MTA3: variants seen among roughly 807,000 people sequenced by gnomAD.
MTA3 encodes metastasis associated 1 family member 3.
MTA3 carries 34 observed loss-of-function variants against 83.5 expected under a neutral mutation model. The ratio of observed to expected loss-of-function variants is 0.41; its 90% CI spans 0.31 to 0.54. The LOEUF (loss-of-function observed/expected upper bound fraction) is 0.54. Among genes scored for constraint, MTA3 ranks in the 20% least tolerant of loss-of-function variants. The probability of loss-of-function intolerance (pLI) is 0.33; values close to 1 mark genes in which losing one functional copy is unlikely to be tolerated. For missense variants in MTA3, 761 were observed against 726.4 expected (o/e 1.05, Z -0.55); for synonymous variants, 303 against 252.7 (o/e 1.20, Z -1.89).
At position 42,659,062 on chromosome 2, in the gene MTA3, C is replaced by T. The variant is rs373411223; in HGVS notation, c.603-701C>T. On this transcript the variant is annotated intron_variant, in intron 7 of 16. Transcript: ENST00000405094. ...GCAGTGAGCTATGATCATACTATTG[C>T]GCTCCAGCCTGGGTGACAGAGTGAG... 2.4e-4 allele frequency among the ~76,000 whole-genome samples: 36 copies of T among 151,892 alleles called. 1 individual carries two copies. In the South Asian group the frequency reaches 6.9e-3, roughly 29 times the overall value.
chr2:42,646,614 A>C (rs148625583), intron 6 of MTA3, among the ~76,000 whole-genome samples: 264 of 152,326 alleles, frequency 1.7e-3, no homozygotes, highest in Admixed American at 4.3e-3. Flanking sequence ...TATAATATGC[A>C]AGAAAACTAC....
intron 9 of MTA3, among the ~76,000 whole-genome samples, chr2:42,684,180 T>G (rs1310208181): frequency 6.6e-6 from 1 of 152,238 alleles, no homozygotes; most frequent in Non-Finnish European, 1.5e-5. Context: ...TTATAGTTCC[T>G]TTGAAATGGT....
At chr2:42,575,887 C>A (rs1678982851) in intron 2 of MTA3, among the ~76,000 whole-genome samples, 1 of 152,172 alleles carries the variant, frequency 6.6e-6, no homozygotes, top group African/African-American at 2.4e-5. Context: ...CTCCCTCCGC[C>A]TACCTGTTGT....
chr2:42,609,180 A>G (rs750425970), intron 3 of MTA3, among the ~76,000 whole-genome samples: 5 of 151,698 alleles, frequency 3.3e-5, no homozygotes, highest in Non-Finnish European at 7.4e-5. Context: ...ACAGGCGCCC[A>G]CCACCATGCC....
At chr2:42,509,510 C>T (rs1404658729) in intron 2 of MTA3, among the ~76,000 whole-genome samples, 1 of 152,136 alleles carries the variant, frequency 6.6e-6, no homozygotes, top group Admixed American at 6.6e-5. Context: ...TGGCTCACAC[C>T]TGTAATCTCA....
At chr2:42,500,627 GA>G (rs1275871230) in intron 2 of MTA3, among the ~76,000 whole-genome samples, 1 of 151,940 alleles carries the variant, frequency 6.6e-6, no homozygotes, top group East Asian at 1.9e-4. Flanking sequence ...TAAGGGAGGG[GA>G]AAAATTTTTT....
chr2:42,549,575 AATATATAATATATTATATACATATAC>A (rs1558429223), intron 2 of MTA3, among the ~76,000 whole-genome samples: 102 of 117,304 alleles, frequency 8.7e-4, no homozygotes, highest in African/African-American at 1.4e-3. Flanking sequence ...ATACATATAT[AATATATAATATATTATATACATATAC>A]ATATATAATA....
intron 7 of MTA3, among the ~76,000 whole-genome samples, chr2:42,658,026 C>T (rs533571352): frequency 8.6e-5 from 11 of 127,198 alleles, no homozygotes; most frequent in Middle Eastern, 5.5e-3. Context: ...AAGCCGAGAT[C>T]GCACCATTGC....
chr2:42,561,324 A>C (rs949151167), intron 2 of MTA3, among the ~76,000 whole-genome samples: 3 of 148,302 alleles, frequency 2.0e-5, no homozygotes, highest in South Asian at 2.1e-4. Flanking sequence ...TTATTTATTT[A>C]TTTCTTTTTT....
intron 2 of MTA3, among the ~76,000 whole-genome samples, chr2:42,499,568 G>C (rs1169875262): frequency 2.0e-5 from 3 of 150,426 alleles, no homozygotes; most frequent in African/African-American, 7.3e-5. Flanking sequence ...GAGTCAGGCA[G>C]ATCACGAGAT....
At chr2:42,720,768 C>G (rs1023264681) in intron 15 of MTA3, among the ~76,000 whole-genome samples, 5 of 151,548 alleles carry the variant, frequency 3.3e-5, no homozygotes, top group Non-Finnish European at 5.9e-5. Context: ...GGTAACATAG[C>G]AAAACCCTGT....
At chr2:42,527,565 T>G (rs1220866974) in intron 2 of MTA3, among the ~76,000 whole-genome samples, 1 of 152,158 alleles carries the variant, frequency 6.6e-6, no homozygotes, top group Non-Finnish European at 1.5e-5. Flanking sequence ...AGATGATAAC[T>G]TTAAAAAGCA....
intron 2 of MTA3, among the ~76,000 whole-genome samples, chr2:42,546,654 A>C (rs1301322676): frequency 1.3e-5 from 2 of 152,252 alleles, no homozygotes; most frequent in Admixed American, 1.3e-4. Context: ...TTTCCTGGTC[A>C]AACAAAAAAG....
At chr2:42,610,972 C>T (rs370174022) in intron 4 of MTA3, among the ~76,000 whole-genome samples, 117 of 147,824 alleles carry the variant, frequency 7.9e-4, no homozygotes, top group Non-Finnish European at 2.5e-4. Flanking sequence ...TGCATTATTT[C>T]TTTTCTTTTC....
intron 4 of MTA3, among the ~76,000 whole-genome samples, chr2:42,629,872 A>G (rs1416375817): frequency 6.6e-6 from 1 of 151,852 alleles, no homozygotes; most frequent in Non-Finnish European, 1.5e-5. Flanking sequence ...TCTGCCTCCC[A>G]GGTTCAAGCA....
chr2:42,734,844 G>A (rs1169898994), intron 16 of MTA3, among the ~76,000 whole-genome samples: 3 of 152,000 alleles, frequency 2.0e-5, no homozygotes, highest in Non-Finnish European at 4.4e-5. Flanking sequence ...GAAAACTAGT[G>A]GAAACTCTCT....
chr2:42,533,708 T>G (rs1425657317), intron 2 of MTA3, among the ~76,000 whole-genome samples: 3 of 149,196 alleles, frequency 2.0e-5, no homozygotes, highest in Admixed American at 6.7e-5. Context: ...GGCGGGCGCC[T>G]GTAGTCCCAG....
chr2:42,574,080 C>T (rs1230689122), intron 2 of MTA3, among the ~76,000 whole-genome samples: 4 of 151,158 alleles, frequency 2.6e-5, no homozygotes, highest in African/African-American at 7.3e-5. Context: ...TTGTGATCCG[C>T]CTGCCTCGGC....
At chr2:42,701,947 A>C (rs911527884) in intron 11 of MTA3, among the ~76,000 whole-genome samples, 3 of 151,148 alleles carry the variant, frequency 2.0e-5, no homozygotes, top group Non-Finnish European at 4.4e-5. Flanking sequence ...ATGGTGGCTC[A>C]CGCCTGTAAT....
Sources: allele counts gnomAD v4.1 joint callset (sites outside exome capture counted in the v4.1 genomes callset), GRCh38; gene constraint gnomAD v4.1.1; transcripts MANE v1.5; gene names NCBI Gene and HGNC (gene_info 2026-07-23, HGNC 2026-07-21).